NTM: variants seen among roughly 807,000 people sequenced by gnomAD.
The protein encoded by NTM is neurotrimin.
A neutral mutation model predicts 42.1 loss-of-function variants in NTM; 13 were observed. The observed-to-expected ratio is 0.31, with a 90% CI of 0.20 to 0.49. NTM has a LOEUF of 0.49. Ranked by LOEUF, NTM falls within the 20% of genes least tolerant of loss-of-function variation. NTM has a pLI of 0.99. For synonymous variants in NTM, 187 were observed against 179.2 expected, an observed-to-expected ratio of 1.04 and a Z score of -0.35; for missense variants, 373 against 452.8, an observed-to-expected ratio of 0.82 and a Z score of 1.60.
chr11:131,470,917 T>C (rs1271033011), intron 1 of NTM, among the ~76,000 whole-genome samples: 1 of 152,192 alleles, frequency 6.6e-6, no homozygotes, highest in Non-Finnish European at 1.5e-5. Flanking sequence ...ATCTAGACCA[T>C]GTAATCCATT....
chr11:131,466,389 C>A (rs529826386), intron 1 of NTM, among the ~76,000 whole-genome samples: 1 of 152,316 alleles, frequency 6.6e-6, no homozygotes, highest in African/African-American at 2.4e-5. Flanking sequence ...TTATCTCCAT[C>A]TTAGAGCTAA....
chr11:131,732,336 G>T (rs1438297966), intron 1 of NTM, among the ~76,000 whole-genome samples: 1 of 152,024 alleles, frequency 6.6e-6, no homozygotes, highest in African/African-American at 2.4e-5. Flanking sequence ...CTTTATCATA[G>T]AAAATCTCTG....
rs2052459043 is a variant in NTM at position 131,897,309 on chromosome 11, G to A, written c.83-14255G>A. On this transcript the variant is annotated intron_variant, in intron 1 of 8. Transcript: ENST00000683400. ...AGAAAAAAAGCAAGAGAGCCTTGGT[G>A]GTAGCATTGGAGACTGGCAAGAAGG... Among the ~76,000 whole-genome samples the A allele has an allele frequency of 2.6e-5, 4 of 152,296 alleles. No individual in the cohort carries two copies. The South Asian group carries it at 8.3e-4, about 32-fold the overall frequency.
chr11:131,857,286 T>G (rs532786005), intron 1 of NTM, among the ~76,000 whole-genome samples: 1 of 152,178 alleles, frequency 6.6e-6, no homozygotes, highest in Admixed American at 6.5e-5. Context: ...AAAATTATAC[T>G]ATACCCCTGA....
At chr11:131,773,190 CTTG>C (rs898490297) in intron 1 of NTM, among the ~76,000 whole-genome samples, 2 of 152,270 alleles carry the variant, frequency 1.3e-5, no homozygotes, top group African/African-American at 4.8e-5. Context: ...AAGGTGGTGC[CTTG>C]TTGCTGTGTC....
rs139780767 is a variant in NTM at position 132,207,392 on chromosome 11, C to T, written c.401-4630C>T. Among the ~76,000 whole-genome samples, 787 of 152,264 alleles carry T rather than the reference C, an allele frequency of 5.2e-3. 7 individuals are homozygous for T. Among genetic ancestry groups the T allele is most frequent in the African/African-American group, 0.018 (739 of 41,562 alleles). ...CTGATGATCTGTCACTATCTCCCAT[C>T]ACCCCCAGATGGGACCCCCTAGTTG... On this transcript the variant is annotated intron_variant, in intron 3 of 8. Transcript: ENST00000683400.
Position 132,295,266 on chromosome 11 carries a change from C to T in NTM, c.527-12423C>T, listed in dbSNP as rs112382426. On this transcript the variant is annotated intron_variant, in intron 4 of 8. Coordinates refer to ENST00000683400, the MANE Select transcript of NTM (RefSeq NM_001352005.2). The stretch of plus-strand genomic sequence containing the variant: ...ATGATTAACAATTGATATGATATAA[C>T]GATATCATAATGAATTATGATAGGC... Among the ~76,000 whole-genome samples the T allele has an allele frequency of 5.8e-3, 880 of 151,274 alleles. 9 individuals carry two copies. The highest frequency in any genetic ancestry group is 0.019 in the African/African-American group (774 of 40,672).
intron 1 of NTM, among the ~76,000 whole-genome samples, chr11:131,900,714 A>T (rs532554492): frequency 6.6e-6 from 1 of 152,276 alleles, no homozygotes; most frequent in Admixed American, 6.5e-5. Context: ...GATAAGAGGG[A>T]AGAGATTAAA....
chr11:132,054,447 G>A (rs1340659720), intron 2 of NTM, among the ~76,000 whole-genome samples: 4 of 152,170 alleles, frequency 2.6e-5, no homozygotes, highest in Non-Finnish European at 4.4e-5. Context: ...ATTCTGATTC[G>A]TAGTCCTATT....
intron 1 of NTM, among the ~76,000 whole-genome samples, chr11:131,898,034 T>C (rs184821497): frequency 9.9e-5 from 15 of 152,218 alleles, no homozygotes; most frequent in Non-Finnish European, 2.2e-4. Context: ...AGGCTGATTA[T>C]TATTAATGTT....
chr11:132,318,201 T>C (rs780166452), intron 7 of NTM, among the ~76,000 whole-genome samples: 4 of 152,168 alleles, frequency 2.6e-5, no homozygotes, highest in South Asian at 2.1e-4. Context: ...GGGGTGCTAC[T>C]GGGGTCCAGG....
At chr11:131,428,373 T>G (rs1948356328) in intron 1 of NTM, among the ~76,000 whole-genome samples, 1 of 152,220 alleles carries the variant, frequency 6.6e-6, no homozygotes, top group Admixed American at 6.5e-5. Flanking sequence ...GCCAGTTTTC[T>G]ACACTTGCAT....
At chr11:131,880,245 C>A (rs186072565) in intron 1 of NTM, among the ~76,000 whole-genome samples, 1 of 152,160 alleles carries the variant, frequency 6.6e-6, no homozygotes, top group Non-Finnish European at 1.5e-5. Flanking sequence ...ACTGCTGAAG[C>A]CTTAAGGAGG....
chr11:131,948,705 A>G (rs551179302), intron 2 of NTM, among the ~76,000 whole-genome samples: 7 of 152,340 alleles, frequency 4.6e-5, no homozygotes, highest in Middle Eastern at 3.4e-3. Flanking sequence ...ATGGCAACAT[A>G]GCAGAGGCGT....
intron 1 of NTM, among the ~76,000 whole-genome samples, chr11:131,743,335 A>G (rs1342424775): frequency 6.6e-6 from 1 of 150,512 alleles, no homozygotes; most frequent in Non-Finnish European, 1.5e-5. Context: ...GAGATAATAT[A>G]GAAGTGGAAA....
chr11:131,608,544 C>T (rs183019024), intron 1 of NTM, among the ~76,000 whole-genome samples: 3 of 152,212 alleles, frequency 2.0e-5, no homozygotes, highest in Admixed American at 2.0e-4. Flanking sequence ...CAGGCCCTGA[C>T]AGCCTCATGC....
At chr11:131,804,831 T>A (rs188444966) in intron 1 of NTM, among the ~76,000 whole-genome samples, 9 of 152,260 alleles carry the variant, frequency 5.9e-5, no homozygotes, top group African/African-American at 1.7e-4. Flanking sequence ...TCTACCCTCA[T>A]GAGTAGGTTA....
At chr11:132,317,360 G>A (rs906660691) in intron 7 of NTM, among the ~76,000 whole-genome samples, 1 of 152,198 alleles carries the variant, frequency 6.6e-6, no homozygotes, top group Non-Finnish European at 1.5e-5. Flanking sequence ...CCAGTTAGTA[G>A]CATGGCTCAG....
At chr11:131,928,182 A>G (rs1386963178) in intron 2 of NTM, among the ~76,000 whole-genome samples, 1 of 152,024 alleles carries the variant, frequency 6.6e-6, no homozygotes, top group Non-Finnish European at 1.5e-5. Flanking sequence ...CTATGCTTAC[A>G]TGATAAATGC....
Sources: gnomAD v4.1 joint callset for allele counts (sites outside exome capture counted in the v4.1 genomes callset) on GRCh38, gnomAD v4.1.1 for gene constraint, MANE v1.5 for transcripts, NCBI Gene and HGNC (gene_info 2026-07-23, HGNC 2026-07-21) for gene names.